Variants in TMEFF2 observed in about 807,000 individuals in gnomAD.
TMEFF2 encodes the protein transmembrane protein with EGF like and two follistatin like domains 2.
In TMEFF2, 28 loss-of-function variants were observed where a neutral mutation model predicts 53.8. That is an observed-to-expected ratio of 0.52 (90% CI 0.39 to 0.71). The LOEUF is 0.71. Ranked by LOEUF, TMEFF2 falls within the 30% of genes least tolerant of loss-of-function variation. TMEFF2 has a pLI of 0.00. For synonymous variants in TMEFF2, 162 were observed against 166.3 expected, an observed-to-expected ratio of 0.97 and a Z score of 0.20; for missense variants, 353 against 455.2, an observed-to-expected ratio of 0.78 and a Z score of 2.04.
chr2:192,040,685 CA>C (rs1190905501), intron 5 of TMEFF2, among the ~76,000 whole-genome samples: 5 of 151,956 alleles, frequency 3.3e-5, no homozygotes, highest in African/African-American at 1.2e-4. Context: ...TGTTAGAGCC[CA>C]AAGAAACCAT....
At chr2:191,983,254 C>T (rs1231573867) in intron 7 of TMEFF2, among the ~76,000 whole-genome samples, 1 of 152,160 alleles carries the variant, frequency 6.6e-6, no homozygotes, top group Admixed American at 6.6e-5. Flanking sequence ...CACATTGACA[C>T]TTCTCTAAAG....
intron 1 of TMEFF2, 119 bp from the exon 2 acceptor site, chr2:192,192,108 T>C (rs992513985): frequency 1.7e-5 from 11 of 651,252 alleles, no homozygotes; most frequent in African/African-American, 1.6e-4. Context: ...CAACTATAGC[T>C]GTACTGCAAG....
intron 4 of TMEFF2, among the ~76,000 whole-genome samples, chr2:192,060,005 C>G (rs1688004891): frequency 6.6e-6 from 1 of 150,508 alleles, no homozygotes; most frequent in Non-Finnish European, 1.5e-5. Flanking sequence ...ACCAGTGGTT[C>G]TTAAATAGGG....
At chr2:192,172,517 T>C (rs1414198949) in intron 4 of TMEFF2, among the ~76,000 whole-genome samples, 1 of 151,944 alleles carries the variant, frequency 6.6e-6, no homozygotes, top group Non-Finnish European at 1.5e-5. Flanking sequence ...TACCTTCTAC[T>C]GCTACTTACA....
chr2:192,091,958 C>T (rs1330140941), intron 4 of TMEFF2, among the ~76,000 whole-genome samples: 1 of 152,140 alleles, frequency 6.6e-6, no homozygotes, highest in African/African-American at 2.4e-5. Context: ...AGTGTGACTA[C>T]TTCCTCTTAA....
intron 4 of TMEFF2, among the ~76,000 whole-genome samples, chr2:192,127,494 C>A (rs888957102): frequency 3.9e-5 from 6 of 152,104 alleles, no homozygotes; most frequent in African/African-American, 1.4e-4. Context: ...AAACATTCAA[C>A]AAATCAACAA....
intron 5 of TMEFF2, among the ~76,000 whole-genome samples, chr2:192,047,768 T>C (rs1402977759): frequency 6.6e-6 from 1 of 152,240 alleles, no homozygotes; most frequent in Non-Finnish European, 1.5e-5. Flanking sequence ...ATTTGTTCAA[T>C]CATTTATTAG....
At chr2:192,074,917 T>C (rs1292975631) in intron 4 of TMEFF2, among the ~76,000 whole-genome samples, 2 of 151,946 alleles carry the variant, frequency 1.3e-5, no homozygotes, top group African/African-American at 4.8e-5. Context: ...TATCTTACTA[T>C]GATCATATAT....
rs1686380663 is a variant in TMEFF2, at chr2:192,002,154, T to C, written c.537-2946A>G. On this transcript the variant is annotated intron_variant, in intron 5 of 9. Coordinates refer to ENST00000272771, the MANE Select transcript of TMEFF2 (RefSeq NM_016192.4). Reference sequence around the variant, plus strand: ...GCCTCCTTTTAAGATTTGTTTCCTCTCAAAATTCCTGGCTCTTGTTGCCTC... The same window carrying C: ...GCCTCCTTTTAAGATTTGTTTCCTCCCAAAATTCCTGGCTCTTGTTGCCTC... Among the ~76,000 whole-genome samples, 3 of 152,290 alleles carry C rather than the reference T, an allele frequency of 2.0e-5. No homozygotes were observed. In the South Asian group the frequency reaches 6.2e-4, roughly 32 times the overall value.
intron 4 of TMEFF2, among the ~76,000 whole-genome samples, chr2:192,169,984 C>T (rs1690867495): frequency 7.2e-6 from 1 of 138,892 alleles, no homozygotes; most frequent in Non-Finnish European, 1.6e-5. Flanking sequence ...CACTATTTAA[C>T]TGTACTACTA....
intron 5 of TMEFF2, chr2:192,030,354 G>A (rs1223819573): frequency 6.6e-6 from 1 of 152,142 alleles, no homozygotes; most frequent in African/African-American, 2.4e-5. Context: ...CACAACCATG[G>A]TGATGAAAAG....
intron 5 of TMEFF2, among the ~76,000 whole-genome samples, chr2:192,037,323 AAGAAAG>A (rs1350355809): frequency 6.6e-6 from 1 of 150,766 alleles, no homozygotes; most frequent in Non-Finnish European, 1.5e-5. Flanking sequence ...GAAAGAAAGA[AAGAAAG>A]AAAGAAAAAC....
intron 4 of TMEFF2, chr2:192,178,132 C>T (rs1691095683): frequency 6.6e-6 from 1 of 150,954 alleles, no homozygotes; most frequent in South Asian, 2.1e-4. Flanking sequence ...TCAGTCTCAG[C>T]ACAATATTTG....
chr2:192,181,503 T>G (rs543753683), intron 3 of TMEFF2, among the ~76,000 whole-genome samples: 1 of 151,806 alleles, frequency 6.6e-6, no homozygotes, highest in Non-Finnish European at 1.5e-5. Flanking sequence ...ACTCATTGCA[T>G]GACAGAGAAA....
At chr2:192,107,941 C>G (rs1689189158) in intron 4 of TMEFF2, among the ~76,000 whole-genome samples, 1 of 146,592 alleles carries the variant, frequency 6.8e-6, no homozygotes, top group Admixed American at 6.8e-5. Flanking sequence ...AAGATAGAAA[C>G]AATATAACTG....
At chr2:192,082,961 ATT>A (rs377750674) in intron 4 of TMEFF2, among the ~76,000 whole-genome samples, 1 of 142,834 alleles carries the variant, frequency 7.0e-6, no homozygotes, top group Non-Finnish European at 1.5e-5. Context: ...TAGAGAGTTG[ATT>A]TTTTTTTTTT....
At chr2:192,132,086 C>G (rs1306031159) in intron 4 of TMEFF2, among the ~76,000 whole-genome samples, 1 of 152,150 alleles carries the variant, frequency 6.6e-6, no homozygotes, top group East Asian at 1.9e-4. Context: ...TTTCTACAGA[C>G]CCATCTGACC....
intron 4 of TMEFF2, among the ~76,000 whole-genome samples, chr2:192,123,619 T>C (rs1689610812): frequency 6.6e-6 from 1 of 152,224 alleles, no homozygotes; most frequent in African/African-American, 2.4e-5. Context: ...TTGGCACTGA[T>C]ATTCCACTAC....
At chr2:192,004,606 C>T (rs1686453537) in intron 5 of TMEFF2, among the ~76,000 whole-genome samples, 1 of 151,936 alleles carries the variant, frequency 6.6e-6, no homozygotes, top group Non-Finnish European at 1.5e-5. Context: ...AATAGTGAGA[C>T]CCCGTCTCTA....
Sources: gnomAD v4.1 joint callset for allele counts (sites outside exome capture counted in the v4.1 genomes callset) on GRCh38, gnomAD v4.1.1 for gene constraint, MANE v1.5 for transcripts, NCBI Gene and HGNC (gene_info 2026-07-23, HGNC 2026-07-21) for gene names.